The following SLC6A16 variants were observed in gnomAD, a reference collection of about 807,000 sequenced individuals.
The protein encoded by SLC6A16 is solute carrier family 6 member 16.
In SLC6A16, 54 loss-of-function variants were observed where a neutral mutation model predicts 65.4. The observed-to-expected ratio is 0.83, with a 90% confidence interval of 0.66 to 1.04. The LOEUF (loss-of-function observed/expected upper bound fraction) is 1.04. Ranked by LOEUF, SLC6A16 falls within the 50% of genes least tolerant of loss-of-function variation. The pLI is 0.00. For missense variants in SLC6A16, 816 were observed against 914.0 expected, an observed-to-expected ratio of 0.89 and a Z score of 1.38; for synonymous variants, 330 against 346.5, an observed-to-expected ratio of 0.95 and a Z score of 0.53.
chr19:49,328,536 A>T (rs1970819536), upstream of SLC6A16, among the ~76,000 whole-genome samples: 1 of 152,234 alleles, frequency 6.6e-6, no homozygotes, highest in Non-Finnish European at 1.5e-5. Flanking sequence ...GATGGTGTTG[A>T]TTAGATCTGG....
In SLC6A16 at chr19:49,310,344, G is replaced by A. The variant is rs759261759; in HGVS notation, c.573+9C>T. On this transcript the variant is annotated intron_variant, in intron 3 of 11. Transcript: ENST00000335875. Reference sequence around the variant, plus strand: ...AAAAGTCAGGCCTGGGCAGCCATGGGCTCCTCACCATGAAGCTAGAATACC... The same window carrying A: ...AAAAGTCAGGCCTGGGCAGCCATGGACTCCTCACCATGAAGCTAGAATACC... 1.9e-6 allele frequency: 3 copies of A among 1,613,610 alleles called. No homozygotes were observed. The highest frequency in any genetic ancestry group is 2.7e-5 in the African/African-American group (2 of 74,846).
At chr19:49,324,305 T>A (rs548493527) in intron 1 of SLC6A16, among the ~76,000 whole-genome samples, 1 of 152,308 alleles carries the variant, frequency 6.6e-6, no homozygotes, top group East Asian at 1.9e-4. Context: ...CACTCCAGCC[T>A]GGGTGACAGA....
At position 49,294,041 on chromosome 19, in the gene SLC6A16, C is replaced by G. The variant is rs773264105; in HGVS notation, c.1417-13G>C. On this transcript the variant is annotated splice_polypyrimidine_tract_variant and intron_variant, in intron 8 of 11. Coordinates refer to ENST00000335875, the MANE Select transcript of SLC6A16 (RefSeq NM_014037.3). ...GGCCCTCGCTAGCCTGCAAAGAGAA[C>G]AAAGAGGTGTTAAAGTGTCATTGAA... 2 of 1,605,416 alleles carry G rather than the reference C, an allele frequency of 1.2e-6. No homozygotes were observed. Among genetic ancestry groups the G allele is most frequent in the Non-Finnish European group, 1.7e-6 (2 of 1,177,454 alleles).
the SLC6A16 span, chr19:49,337,055 G>A: frequency 1.9e-4 from 305 of 1,613,298 alleles, 1 homozygote; most frequent in Middle Eastern, 1.3e-3. Flanking sequence ...ATCCCTCTCC[G>A]TCCCTAGGAA....
the SLC6A16 span, chr19:49,335,491 T>C: frequency 2.3e-6 from 3 of 1,305,262 alleles, no homozygotes; most frequent in Non-Finnish European, 3.3e-6. The surrounding 1 kb of genome is among the most constrained non-coding windows in gnomAD (Gnocchi z 4.6). Context: ...TCCCCCACTG[T>C]CAGCACCTCT....
chr19:49,312,612 G>GA (rs995696420), intron 1 of SLC6A16: 29,546 of 664,298 alleles, frequency 0.044, no homozygotes, highest in Non-Finnish European at 0.05. Context: ...GGAGTGTGCT[G>GA]AAAAAAAAAA....
chr19:49,292,735 C>T lies in SLC6A16; in HGVS notation c.1778+488G>A, dbSNP rs1970101298. On this transcript the variant is annotated intron_variant, in intron 10 of 11. Transcript: ENST00000335875. The surrounding 1 kb of genome is among the most constrained non-coding windows in gnomAD (Gnocchi z 4.3). ...GTAATTTCTGTTTCCCTGCAGGGAGCACTTTACTCAAAATCTTGTCATGAC... is the reference window on the plus strand; with the variant it reads ...GTAATTTCTGTTTCCCTGCAGGGAGTACTTTACTCAAAATCTTGTCATGAC... Among the ~76,000 whole-genome samples the T allele has an allele frequency of 6.6e-6, 1 of 152,086 alleles. No individual in the cohort carries two copies. The highest frequency in any genetic ancestry group is 1.5e-5 in the Non-Finnish European group (1 of 68,008).
chr19:49,309,324 G>A lies in SLC6A16; in HGVS notation c.964C>T (p.Leu322Phe). ...ACCTTGGCAACCACCAACTGTTGAA[G>A]GCCAAATTTTGCCCCTTCCAGGAGT... is the stretch of plus-strand genomic sequence containing the variant. ...TLLLEGAKFG[L>F]QQLVVAKISD... The change falls in exon 6 of 12, where the codon CTT (leucine) becomes TTT (phenylalanine). Residue 322 changes from leucine to phenylalanine, a missense_variant. Coordinates refer to ENST00000335875, the MANE Select transcript of SLC6A16 (RefSeq NM_014037.3). The A allele has an allele frequency of 6.2e-7, 1 of 1,614,002 alleles. No homozygotes were observed. The highest frequency in any genetic ancestry group is 1.7e-4 in the Middle Eastern group (1 of 6,060).
At chr19:49,308,130 A>G (rs901786144) in intron 7 of SLC6A16, among the ~76,000 whole-genome samples, 9 of 151,740 alleles carry the variant, frequency 5.9e-5, no homozygotes, top group African/African-American at 1.9e-4. Context: ...CTAGATTGAC[A>G]GAAATCCCCA....
At position 49,310,523 on chromosome 19, in the gene SLC6A16, T is replaced by C. The variant is rs183531374; in HGVS notation, c.416-13A>G. The C allele has an allele frequency of 1.2e-6, 2 of 1,613,948 alleles. No individual in the cohort carries two copies. The highest frequency in any genetic ancestry group is 3.3e-5 in the Admixed American group (2 of 60,010). On this transcript the variant is annotated splice_polypyrimidine_tract_variant and intron_variant, in intron 2 of 11. Coordinates refer to ENST00000335875, the MANE Select transcript of SLC6A16 (RefSeq NM_014037.3). ...GCAGCGAAACTGCCTGTGAAGAAGA[T>C]TCAGAAGGGACTCTGAGAACCATGT...
the SLC6A16 span, among the ~76,000 whole-genome samples, chr19:49,331,374 G>A: frequency 6.6e-6 from 1 of 152,074 alleles, no homozygotes; most frequent in African/African-American, 2.4e-5. Flanking sequence ...TGTAGACAGG[G>A]TCTCACTATG....
intron 7 of SLC6A16, among the ~76,000 whole-genome samples, chr19:49,306,425 A>C (rs1970387533): frequency 6.6e-6 from 1 of 152,172 alleles, no homozygotes; most frequent in African/African-American, 2.4e-5. Flanking sequence ...TGAGGGAACA[A>C]ATAACTAAAC....
chr19:49,293,323 A>AG lies in SLC6A16; in HGVS notation c.1677dup (p.Tyr560LeufsTer8). The AG allele has an allele frequency of 6.2e-7, 1 of 1,614,190 alleles. No individual in the cohort carries two copies. Among genetic ancestry groups the AG allele is most frequent in the Non-Finnish European group, 8.5e-7 (1 of 1,180,000 alleles). ...TAGTCACTCAGCAGTCTGATGAAGT[A>AG]GCTGCCTGAAGGTCGAGTGAAGAAG... On this transcript the variant is annotated frameshift_variant, in exon 10 of 12. Transcript: ENST00000335875. LOFTEE classifies it high-confidence loss of function.
Position 49,322,017 on chromosome 19 carries a change from T to C in SLC6A16, c.-65+3031A>G, listed in dbSNP as rs147055204. Among the ~76,000 whole-genome samples, 3 of 152,318 alleles carry C rather than the reference T, an allele frequency of 2.0e-5. No individual in the cohort carries two copies. The East Asian group carries it at 5.8e-4, about 29-fold the overall frequency. ...CTTAATGATAAAAGACTGTAAGCTT[T>C]TCCTCTAAGATTAGAAACAAGCGTA... On this transcript the variant is annotated intron_variant, in intron 1 of 11. Transcript: ENST00000335875.
At chr19:49,335,705 T>G in the SLC6A16 span, 1 of 1,613,714 alleles carries the variant, frequency 6.2e-7, no homozygotes, top group South Asian at 1.1e-5. This position sits in a 1 kb window ranked among gnomAD's most constrained non-coding sequence, Gnocchi z 4.6. Flanking sequence ...CCGCATCTCC[T>G]CTCCCCAGGT....
chr19:49,330,332 G>T, the SLC6A16 span, among the ~76,000 whole-genome samples: 4 of 152,140 alleles, frequency 2.6e-5, no homozygotes, highest in African/African-American at 9.7e-5. Context: ...TCCTGAGTCC[G>T]CAGTTCAGGG....
intron 1 of SLC6A16, among the ~76,000 whole-genome samples, chr19:49,323,309 G>T (rs1970744985): frequency 6.6e-6 from 1 of 152,118 alleles, no homozygotes; most frequent in Admixed American, 6.6e-5. Flanking sequence ...GATCTGCAAT[G>T]AATTCTTGGA....
At chr19:49,293,122 C>G in intron 10 of SLC6A16, 101 bp downstream of exon 10, 1 of 999,184 alleles carries the variant, frequency 1.0e-6, no homozygotes, top group Non-Finnish European at 1.5e-6. Context: ...ACTTAAGGGT[C>G]CCTATGTCAC....
At chr19:49,334,222 G>T in the SLC6A16 span, among the ~76,000 whole-genome samples, 1,333 of 152,320 alleles carry the variant, frequency 8.8e-3, 22 homozygotes, top group African/African-American at 0.03. Context: ...AGTGGCTCAC[G>T]CCCATAATCC....
Sources: gnomAD v4.1 joint callset for allele counts (sites outside exome capture counted in the v4.1 genomes callset) on GRCh38, gnomAD v4.1.1 for gene constraint, Gnocchi (gnomAD v3.1) non-coding constraint, MANE v1.5 for transcripts, NCBI Gene and HGNC (gene_info 2026-07-23, HGNC 2026-07-21) for gene names.